The following RABGAP1L variants were observed in gnomAD, a reference collection of about 807,000 sequenced individuals.
The protein encoded by RABGAP1L is RAB GTPase activating protein 1 like, also known as rab GTPase-activating protein 1-like.
RABGAP1L carries 63 observed loss-of-function variants against 137.7 expected under a neutral mutation model. The ratio of observed to expected loss-of-function variants is 0.46; its 90% confidence interval spans 0.37 to 0.56. The LOEUF is 0.56. Ranked by LOEUF, RABGAP1L falls within the 20% of genes least tolerant of loss-of-function variation. The pLI, the probability that RABGAP1L is intolerant of heterozygous loss-of-function variation, is 0.00. For missense variants in RABGAP1L, 1,095 were observed against 1,244.0 expected, an observed-to-expected ratio of 0.88 and a Z score of 1.80; for synonymous variants, 431 against 433.7, an observed-to-expected ratio of 0.99 and a Z score of 0.08.
chr1:174,596,484 G>T (rs1334847700), intron 13 of RABGAP1L, among the ~76,000 whole-genome samples: 1 of 152,002 alleles, frequency 6.6e-6, no homozygotes, highest in Non-Finnish European at 1.5e-5. Flanking sequence ...GTTGCAAATT[G>T]GATTCTTAAA....
intron 19 of RABGAP1L, among the ~76,000 whole-genome samples, chr1:174,854,981 AC>A (rs1649051636): frequency 6.6e-6 from 1 of 151,198 alleles, no homozygotes; most frequent in Admixed American, 6.6e-5. Flanking sequence ...CAAGTGATCC[AC>A]CCGCCTCGGC....
intron 19 of RABGAP1L, among the ~76,000 whole-genome samples, chr1:174,896,013 G>T (rs538763608): frequency 6.6e-6 from 1 of 152,152 alleles, no homozygotes; most frequent in South Asian, 2.1e-4. Context: ...TTGAGGAATC[G>T]CCTCATTGTC....
chr1:174,334,831 T>A (rs1318488095), intron 11 of RABGAP1L, among the ~76,000 whole-genome samples: 1 of 152,220 alleles, frequency 6.6e-6, no homozygotes, highest in African/African-American at 2.4e-5. Context: ...AATGTTTTTC[T>A]TTTAAAATAC....
chr1:174,239,421 C>T (rs1316631009), intron 4 of RABGAP1L, among the ~76,000 whole-genome samples: 1 of 152,202 alleles, frequency 6.6e-6, no homozygotes, highest in Admixed American at 6.5e-5. Context: ...TTTCCCGCCC[C>T]AGGACCTTGG....
intron 1 of RABGAP1L, among the ~76,000 whole-genome samples, chr1:174,205,583 T>C (rs1418938788): frequency 6.6e-6 from 1 of 152,176 alleles, no homozygotes; most frequent in Non-Finnish European, 1.5e-5. Context: ...GAGGTGTCTG[T>C]AGTAGTTTCT....
chr1:174,524,689 T>C (rs1056956630), intron 13 of RABGAP1L, among the ~76,000 whole-genome samples: 1 of 145,018 alleles, frequency 6.9e-6, no homozygotes, highest in Admixed American at 6.8e-5. Flanking sequence ...TTTTGTGCTT[T>C]TAAGGTCTTA....
At chr1:174,818,243 T>C (rs996286284) in intron 19 of RABGAP1L, among the ~76,000 whole-genome samples, 8 of 152,006 alleles carry the variant, frequency 5.3e-5, no homozygotes, top group African/African-American at 1.9e-4. Flanking sequence ...GATGAGGGAA[T>C]AGAAGCTGGT....
intron 14 of RABGAP1L, among the ~76,000 whole-genome samples, chr1:174,671,336 A>C (rs1465362449): frequency 2.0e-5 from 3 of 152,060 alleles, no homozygotes; most frequent in African/African-American, 7.2e-5. Flanking sequence ...TCTTTTGCCA[A>C]ATTTCTCTGG....
chr1:174,714,191 T>C lies in RABGAP1L; in HGVS notation c.2169+11935T>C, dbSNP rs183161337. ...TAATTTAAAAAAAAAAAGAAAAACATTTTTTCCTCTTTGTGCTTGGAATGA... is the reference window on the plus strand; with the variant it reads ...TAATTTAAAAAAAAAAAGAAAAACACTTTTTCCTCTTTGTGCTTGGAATGA... On this transcript the variant is annotated intron_variant, in intron 17 of 25. Coordinates refer to ENST00000681986, the MANE Select transcript of RABGAP1L (RefSeq NM_001366446.1). 7.2e-4 allele frequency among the ~76,000 whole-genome samples: 109 copies of C among 152,286 alleles called. 1 individual carries two copies. Among genetic ancestry groups the C allele is most frequent in the African/African-American group, 2.4e-3 (101 of 41,570 alleles).
At chr1:174,271,998 A>G (rs1674594276) in intron 7 of RABGAP1L, among the ~76,000 whole-genome samples, 1 of 151,946 alleles carries the variant, frequency 6.6e-6, no homozygotes, top group African/African-American at 2.4e-5. Flanking sequence ...AAGAGAGCAT[A>G]GTGTCATCTT....
At chr1:174,658,008 T>C (rs1676091988) in intron 14 of RABGAP1L, among the ~76,000 whole-genome samples, 1 of 152,198 alleles carries the variant, frequency 6.6e-6, no homozygotes, top group African/African-American at 2.4e-5. Context: ...GGAATAAGGC[T>C]TTGCATTTCA....
At chr1:174,177,699 G>A (rs1387942509) in intron 1 of RABGAP1L, among the ~76,000 whole-genome samples, 1 of 152,122 alleles carries the variant, frequency 6.6e-6, no homozygotes, top group Non-Finnish European at 1.5e-5. Flanking sequence ...TTCTGCATAT[G>A]GCTAGCCAGT....
chr1:174,723,431 A>G (rs1681740723), intron 17 of RABGAP1L, among the ~76,000 whole-genome samples: 1 of 152,194 alleles, frequency 6.6e-6, no homozygotes, highest in African/African-American at 2.4e-5. Context: ...GGTGCATCCT[A>G]ATATTATACT....
chr1:174,314,709 C>T (rs573063634), intron 11 of RABGAP1L, among the ~76,000 whole-genome samples: 7 of 152,122 alleles, frequency 4.6e-5, no homozygotes, highest in East Asian at 3.9e-4. Flanking sequence ...ATTTATTTCA[C>T]GAAATTTTTC....
intron 13 of RABGAP1L, among the ~76,000 whole-genome samples, chr1:174,396,965 G>A (rs968149057): frequency 5.5e-5 from 8 of 144,674 alleles, no homozygotes; most frequent in African/African-American, 1.5e-4. Context: ...ATAGTGAGAC[G>A]CTGTCTCTAC....
Position 174,990,189 on chromosome 1 carries a change from TG to T in RABGAP1L, c.*189del, listed in dbSNP as rs1671966615. On this transcript the variant is annotated 3_prime_UTR_variant, in exon 26 of 26. Coordinates refer to ENST00000681986, the MANE Select transcript of RABGAP1L (RefSeq NM_001366446.1). ...CTATTTAAACTGACCTGTTCTATGT[TG>T]AATACCTATTTTCCAGCTTCTGGAA... 3 of 628,156 alleles carry T rather than the reference TG, an allele frequency of 4.8e-6. No individual in the cohort carries two copies. The highest frequency in any genetic ancestry group is 7.5e-6 in the Non-Finnish European group (3 of 400,830). The allele number at this position is 628,156 out of a possible 1,614,324, so 38.9% of individuals were successfully genotyped here. A position where few individuals can be genotyped will look rare whatever the true frequency, so the allele number is the denominator to read the frequency against.
chr1:174,606,786 T>C (rs367841901), intron 13 of RABGAP1L, among the ~76,000 whole-genome samples: 6 of 152,226 alleles, frequency 3.9e-5, no homozygotes, highest in Non-Finnish European at 7.3e-5. Context: ...GTCTTACAGC[T>C]GAGATCAGAT....
Position 174,479,347 on chromosome 1 carries a change from G to A in RABGAP1L, c.1710+85202G>A, listed in dbSNP as rs566671616. Among the ~76,000 whole-genome samples, 16 of 152,292 alleles carry A rather than the reference G, an allele frequency of 1.1e-4. No individual in the cohort carries two copies. The South Asian group carries it at 2.3e-3, about 22-fold the overall frequency. ...GTGGTTCTCAAACTTTAGCATGCAT[G>A]AGAATCACTTGGGAGAATGTTGGCT... is the stretch of plus-strand genomic sequence containing the variant. On this transcript the variant is annotated intron_variant, in intron 13 of 25. Transcript: ENST00000681986.
intron 17 of RABGAP1L, among the ~76,000 whole-genome samples, chr1:174,744,494 G>A (rs943449888): frequency 2.0e-5 from 3 of 152,140 alleles, no homozygotes; most frequent in Non-Finnish European, 4.4e-5. Context: ...CAAGCTATAC[G>A]AAAACTGAGT....
Sources: allele counts gnomAD v4.1 joint callset (sites outside exome capture counted in the v4.1 genomes callset), GRCh38; gene constraint gnomAD v4.1.1; transcripts MANE v1.5; gene names NCBI Gene and HGNC (gene_info 2026-07-23, HGNC 2026-07-21).